Variants in BCL2 observed in about 807,000 individuals in gnomAD.
BCL2 encodes the protein apoptosis regulator Bcl-2.
A neutral mutation model predicts 14.2 loss-of-function variants in BCL2; 1 was observed. The ratio of observed to expected loss-of-function variants is 0.07; its 90% CI spans 0.02 to 0.33. The LOEUF (loss-of-function observed/expected upper bound fraction) is 0.33. BCL2 is among the 10% of genes least tolerant of loss of function. BCL2 has a pLI of 0.99. For synonymous variants in BCL2, 151 were observed against 137.2 expected (o/e 1.10, Z -0.70); for missense variants, 247 against 305.9 (o/e 0.81, Z 1.44).
At chr18:63,222,300 A>C (rs1168416130) in intron 2 of BCL2, among the ~76,000 whole-genome samples, 2 of 151,550 alleles carry the variant, frequency 1.3e-5, no homozygotes, top group Non-Finnish European at 2.9e-5. Flanking sequence ...AAAAAGAAAA[A>C]AGAAAGAAAG....
chr18:63,161,570 G>A (rs965115029), intron 2 of BCL2, among the ~76,000 whole-genome samples: 1 of 152,148 alleles, frequency 6.6e-6, no homozygotes, highest in Non-Finnish European at 1.5e-5. Flanking sequence ...AGCCTCAGAT[G>A]GCTTGGTGTT....
At chr18:63,136,070 C>T (rs1386158969) in intron 2 of BCL2, among the ~76,000 whole-genome samples, 2 of 152,122 alleles carry the variant, frequency 1.3e-5, no homozygotes, top group East Asian at 3.8e-4. Context: ...TGAAGAATTT[C>T]CTCTCTGTCT....
intron 2 of BCL2, among the ~76,000 whole-genome samples, chr18:63,240,710 C>T (rs990809068): frequency 3.9e-5 from 6 of 152,222 alleles, no homozygotes; most frequent in African/African-American, 4.8e-5. Flanking sequence ...CTCTCATCAT[C>T]TCTAAACTAC....
chr18:63,235,897 T>G (rs1910816704), intron 2 of BCL2, among the ~76,000 whole-genome samples: 1 of 152,092 alleles, frequency 6.6e-6, no homozygotes. Context: ...TAAATGTATT[T>G]AAACTTTATA....
At chr18:63,245,211 G>C (rs1005971107) in intron 2 of BCL2, among the ~76,000 whole-genome samples, 2 of 152,100 alleles carry the variant, frequency 1.3e-5, no homozygotes, top group African/African-American at 4.8e-5. Context: ...AACTACTCAG[G>C]CCACATGACT....
At chr18:63,256,416 C>T (rs1364874742) in intron 2 of BCL2, among the ~76,000 whole-genome samples, 9 of 152,138 alleles carry the variant, frequency 5.9e-5, no homozygotes, top group Non-Finnish European at 1.0e-4. Flanking sequence ...GGGGTTTCAC[C>T]ATGTTGGCCA....
chr18:63,278,354 AG>A (rs1349798696), intron 2 of BCL2, among the ~76,000 whole-genome samples: 2 of 152,262 alleles, frequency 1.3e-5, no homozygotes, highest in African/African-American at 4.8e-5. Context: ...GATCAAACTC[AG>A]GTCGGGCTCC....
Position 63,125,170 on chromosome 18 carries a change from T to C in BCL2, c.*3455A>G, listed in dbSNP as rs1043472752. The C allele has an allele frequency of 1.3e-4, 30 of 222,576 alleles. No homozygotes were observed. Among genetic ancestry groups the C allele is most frequent in the South Asian group, 1.8e-4 (1 of 5,452 alleles). 13.8% of individuals were successfully genotyped at this position (222,576 alleles called of 1,614,324 possible). On this transcript the variant is annotated 3_prime_UTR_variant, in exon 3 of 3. Coordinates refer to ENST00000333681, the MANE Select transcript of BCL2 (RefSeq NM_000633.3). ...GGGCCAGAGCTACATCTTTAGATGA[T>C]AAGCATTTACTAATAAAACAAAGAT...
At chr18:63,316,842 T>C (rs760518560) in intron 2 of BCL2, 5 of 151,774 alleles carry the variant, frequency 3.3e-5, no homozygotes, top group African/African-American at 4.8e-5. Context: ...TATAAAATAA[T>C]GACATTAGTC....
intron 2 of BCL2, among the ~76,000 whole-genome samples, chr18:63,217,973 T>C (rs1014027241): frequency 1.3e-5 from 2 of 151,680 alleles, no homozygotes; most frequent in Non-Finnish European, 2.9e-5. Context: ...TTCAGAAAAA[T>C]AGAAGAATGG....
At chr18:63,294,494 C>G (rs563359662) in intron 2 of BCL2, among the ~76,000 whole-genome samples, 3 of 151,914 alleles carry the variant, frequency 2.0e-5, no homozygotes, top group African/African-American at 7.3e-5. Flanking sequence ...CATGGTGAAA[C>G]CCTGTCTCTA....
chr18:63,306,252 T>C (rs1368672133), intron 2 of BCL2, among the ~76,000 whole-genome samples: 1 of 152,234 alleles, frequency 6.6e-6, no homozygotes, highest in Non-Finnish European at 1.5e-5. Context: ...CTCTCCACTC[T>C]AGTCCTAATC....
At chr18:63,312,393 G>T (rs78242667) in intron 2 of BCL2, among the ~76,000 whole-genome samples, 4,269 of 152,242 alleles carry the variant, frequency 0.028, 204 homozygotes, top group African/African-American at 0.099. Context: ...TCTTTTGTCT[G>T]GCAAATGGAG....
chr18:63,297,800 G>A lies in BCL2; in HGVS notation c.585+20282C>T, dbSNP rs147726095. 2.3e-3 allele frequency among the ~76,000 whole-genome samples: 354 copies of A among 152,254 alleles called. 1 individual carries two copies. Among genetic ancestry groups the A allele is most frequent in the African/African-American group, 7.9e-3 (327 of 41,542 alleles). On this transcript the variant is annotated intron_variant, in intron 2 of 2. Transcript: ENST00000333681. ...ATAATGAAATTCCAGGCGTGGCATCGGCTGATGGGGTGAGCCATTCCTTCG... is the reference window on the plus strand; with the variant it reads ...ATAATGAAATTCCAGGCGTGGCATCAGCTGATGGGGTGAGCCATTCCTTCG...
At chr18:63,264,534 G>A (rs1911759683) in intron 2 of BCL2, among the ~76,000 whole-genome samples, 1 of 152,216 alleles carries the variant, frequency 6.6e-6, no homozygotes, top group Non-Finnish European at 1.5e-5. Flanking sequence ...GAAGGGAGCA[G>A]CAGAGACAGA....
chr18:63,169,460 C>T (rs941462862), intron 2 of BCL2, among the ~76,000 whole-genome samples: 2 of 145,502 alleles, frequency 1.4e-5, no homozygotes, highest in Non-Finnish European at 3.0e-5. Context: ...CTCCCTCTCT[C>T]TCCCTCCCTG....
chr18:63,262,510 G>A (rs1397814373), intron 2 of BCL2, among the ~76,000 whole-genome samples: 1 of 152,176 alleles, frequency 6.6e-6, no homozygotes, highest in Non-Finnish European at 1.5e-5. Context: ...TGCATTTCCA[G>A]GAAGGAGGTG....
intron 2 of BCL2, among the ~76,000 whole-genome samples, chr18:63,302,126 G>A (rs1048867871): frequency 3.3e-5 from 5 of 151,844 alleles, no homozygotes; most frequent in African/African-American, 9.7e-5. Context: ...TCAGGAGTTC[G>A]AGACCAGCCT....
In BCL2 at chr18:63,124,230, A is replaced by T. The variant is rs890102918; in HGVS notation, c.*4395T>A. 6.3e-5 allele frequency: 14 copies of T among 223,512 alleles called. No individual in the cohort carries two copies. The highest frequency in any genetic ancestry group is 2.6e-4 in the East Asian group (4 of 15,490). 13.8% of individuals were successfully genotyped at this position (223,512 alleles called of 1,614,324 possible). A position where few individuals can be genotyped will look rare whatever the true frequency, so the allele number is the denominator to read the frequency against. On this transcript the variant is annotated 3_prime_UTR_variant, in exon 3 of 3. Transcript: ENST00000333681. ...GTTTCACATTGCTTAATTTTATAAA[A>T]TTTTTTTCTGTATTGTACATAATAA... is the stretch of plus-strand genomic sequence containing the variant.
Sources: allele counts gnomAD v4.1 joint callset (sites outside exome capture counted in the v4.1 genomes callset), GRCh38; gene constraint gnomAD v4.1.1; transcripts MANE v1.5; gene names NCBI Gene and HGNC (gene_info 2026-07-23, HGNC 2026-07-21).